PACRG: variants seen among roughly 807,000 people sequenced by gnomAD.
PACRG encodes the protein parkin coregulated gene protein.
Under a neutral mutation model 29.7 loss-of-function variants are expected in PACRG, and 29 were observed. The observed-to-expected ratio is 0.98, with a 90% CI of 0.73 to 1.33. The LOEUF (loss-of-function observed/expected upper bound fraction) is 1.33. Among genes scored for constraint, PACRG ranks in the 40% most tolerant of loss-of-function variants. The pLI, the probability that PACRG is intolerant of heterozygous loss-of-function variation, is 0.00. For missense variants in PACRG, 279 were observed against 316.2 expected, an observed-to-expected ratio of 0.88 and a Z score of 0.89; for synonymous variants, 116 against 118.7, an observed-to-expected ratio of 0.98 and a Z score of 0.15.
intron 2 of PACRG, among the ~76,000 whole-genome samples, chr6:162,902,147 A>G (rs1211473876): frequency 6.6e-6 from 1 of 152,242 alleles, no homozygotes; most frequent in Non-Finnish European, 1.5e-5. Flanking sequence ...TGCAAATGTG[A>G]TAAGTATGGG....
At position 162,947,347 on chromosome 6, in the gene PACRG, T is replaced by TCA. The variant is rs367628174; in HGVS notation, c.292-114803_292-114802insCA. Reference sequence around the variant, plus strand: ...ATACATATAATCATATATATAATGATTACATATATATAATGTAATCATATA... The same window carrying TCA: ...ATACATATAATCATATATATAATGATCATACATATATATAATGTAATCATATA... On this transcript the variant is annotated intron_variant, in intron 2 of 4. Coordinates refer to ENST00000366888, the MANE Select transcript of PACRG (RefSeq NM_001080379.2). Among the ~76,000 whole-genome samples the TCA allele has an allele frequency of 2.5e-3, 126 of 51,018 alleles. 2 individuals carry two copies. The highest frequency in any genetic ancestry group is 8.2e-3 in the African/African-American group (114 of 13,982). The allele number at this position is 51,018 out of a possible 152,430, so 33.5% of individuals were successfully genotyped here. A position where few individuals can be genotyped will look rare whatever the true frequency, so the allele number is the denominator to read the frequency against.
intron 2 of PACRG, among the ~76,000 whole-genome samples, chr6:162,937,355 T>A (rs1798305264): frequency 6.6e-6 from 1 of 152,226 alleles, no homozygotes; most frequent in African/African-American, 2.4e-5. Context: ...TGCTGGCTGC[T>A]GTGCTAGACA....
intron 4 of PACRG, among the ~76,000 whole-genome samples, chr6:163,117,528 G>A (rs907408222): frequency 4.6e-5 from 7 of 152,166 alleles, no homozygotes; most frequent in Non-Finnish European, 8.8e-5. Context: ...AAGGTAGGTG[G>A]ATCACTTGAG....
intron 1 of PACRG, among the ~76,000 whole-genome samples, chr6:162,794,189 A>G (rs779167981): frequency 6.6e-6 from 1 of 151,900 alleles, no homozygotes; most frequent in South Asian, 2.1e-4. Flanking sequence ...TTAGTGTTCT[A>G]TTTGCACCCC....
chr6:163,246,787 A>G (rs1782714956), intron 4 of PACRG, among the ~76,000 whole-genome samples: 1 of 152,278 alleles, frequency 6.6e-6, no homozygotes, highest in Admixed American at 6.5e-5. Context: ...AAAGTCAAAA[A>G]TAGAAAACCT....
intron 2 of PACRG, among the ~76,000 whole-genome samples, chr6:162,971,947 G>A (rs1487127230): frequency 2.0e-5 from 3 of 152,108 alleles, no homozygotes; most frequent in Admixed American, 6.5e-5. Flanking sequence ...CTGTCACCAC[G>A]GCGCTCGCAG....
At chr6:162,947,428 CAT>C (rs1156745404) in intron 2 of PACRG, among the ~76,000 whole-genome samples, 12 of 60,248 alleles carry the variant, frequency 2.0e-4, no homozygotes, top group East Asian at 4.1e-4. Flanking sequence ...TACATAAAAT[CAT>C]ATATATAAAA....
chr6:163,264,778 A>G (rs1423346384), intron 4 of PACRG, among the ~76,000 whole-genome samples: 3 of 152,160 alleles, frequency 2.0e-5, no homozygotes, highest in Admixed American at 2.0e-4. Flanking sequence ...GCCAACTTTT[A>G]AACACCTGAA....
chr6:163,261,318 A>G (rs1783316179), intron 4 of PACRG, among the ~76,000 whole-genome samples: 1 of 152,078 alleles, frequency 6.6e-6, no homozygotes, highest in South Asian at 2.1e-4. Context: ...ATAGGTAGAC[A>G]TGTGCCATGG....
chr6:162,729,059 A>T (rs1033269708), intron 1 of PACRG, among the ~76,000 whole-genome samples: 10 of 152,198 alleles, frequency 6.6e-5, no homozygotes, highest in African/African-American at 2.2e-4. Flanking sequence ...TATTTGTAGT[A>T]ATAAAAATAA....
At chr6:162,733,819 C>T (rs1232337457) in intron 1 of PACRG, among the ~76,000 whole-genome samples, 1 of 152,172 alleles carries the variant, frequency 6.6e-6, no homozygotes, top group Non-Finnish European at 1.5e-5. Context: ...TAGTGAGCCT[C>T]TTCCTGACCA....
intron 4 of PACRG, among the ~76,000 whole-genome samples, chr6:163,297,875 T>C (rs1784838757): frequency 6.6e-6 from 1 of 152,138 alleles, no homozygotes. Context: ...CCTAATTCAC[T>C]GTAAATGTCC....
Position 163,261,903 on chromosome 6 carries a change from T to G in PACRG, c.614-52924T>G, listed in dbSNP as rs192450930. On this transcript the variant is annotated intron_variant, in intron 4 of 4. Coordinates refer to ENST00000366888, the MANE Select transcript of PACRG (RefSeq NM_001080379.2). The stretch of plus-strand genomic sequence containing the variant: ...CAGGGACTTGAGCATCTGTGGATTT[T>G]AGGATCACCCGGGGTCCTGGAACCA... 3.3e-3 allele frequency among the ~76,000 whole-genome samples: 496 copies of G among 152,290 alleles called. 2 individuals are homozygous for G. Among genetic ancestry groups the G allele is most frequent in the African/African-American group, 0.011 (461 of 41,550 alleles).
chr6:163,270,368 G>A (rs1783778589), intron 4 of PACRG, among the ~76,000 whole-genome samples: 1 of 151,920 alleles, frequency 6.6e-6, no homozygotes, highest in African/African-American at 2.4e-5. Flanking sequence ...AACATAAAAT[G>A]AATTTTTTTT....
At chr6:162,947,761 C>T (rs1194995355) in intron 2 of PACRG, among the ~76,000 whole-genome samples, 1 of 147,572 alleles carries the variant, frequency 6.8e-6, no homozygotes, top group Non-Finnish European at 1.5e-5. Context: ...CAATAATAAA[C>T]TAACTGAGAA....
chr6:163,084,083 A>G (rs1813320486), intron 3 of PACRG, among the ~76,000 whole-genome samples: 1 of 152,198 alleles, frequency 6.6e-6, no homozygotes, highest in African/African-American at 2.4e-5. Flanking sequence ...AAAGCCAGTA[A>G]GCAGTACAAT....
chr6:163,173,031 A>G (rs1044945098), intron 4 of PACRG, among the ~76,000 whole-genome samples: 2 of 152,250 alleles, frequency 1.3e-5, no homozygotes, highest in African/African-American at 4.8e-5. Flanking sequence ...TCATCATGGT[A>G]TAAAATTAAG....
chr6:163,169,103 T>G (rs2128345816), intron 4 of PACRG, among the ~76,000 whole-genome samples: 1 of 152,378 alleles, frequency 6.6e-6, no homozygotes, highest in African/African-American at 2.4e-5. Flanking sequence ...CTTCTAAGTC[T>G]TCTTTTGAGC....
At position 162,997,654 on chromosome 6, in the gene PACRG, T is replaced by C. The variant is rs115178259; in HGVS notation, c.292-64496T>C. The C allele has an allele frequency of 4.8e-3, 1,124 of 235,924 alleles. 17 individuals carry two copies. The highest frequency in any genetic ancestry group is 0.024 in the African/African-American group (1,045 of 42,798). The allele number at this position is 235,924 out of a possible 1,614,324, so 14.6% of individuals were successfully genotyped here. A position where few individuals can be genotyped will look rare whatever the true frequency, so the allele number is the denominator to read the frequency against. On this transcript the variant is annotated intron_variant, in intron 2 of 4. Coordinates refer to ENST00000366888, the MANE Select transcript of PACRG (RefSeq NM_001080379.2). ...GAGACCTTCAGATAAACTCACTAGA[T>C]TATTCTTCAAAGTGGTGATTTCAGT...
Sources: gnomAD v4.1 joint callset for allele counts (sites outside exome capture counted in the v4.1 genomes callset) on GRCh38, gnomAD v4.1.1 for gene constraint, MANE v1.5 for transcripts, NCBI Gene and HGNC (gene_info 2026-07-23, HGNC 2026-07-21) for gene names.